Variants in RARB observed in about 807,000 individuals in gnomAD.
RARB encodes the protein HBV-activated protein.
RARB carries 17 observed loss-of-function variants against 51.9 expected under a neutral mutation model. That is an observed-to-expected ratio of 0.33 (90% confidence interval 0.22 to 0.49). The LOEUF (loss-of-function observed/expected upper bound fraction) is 0.49. RARB is among the 20% of genes least tolerant of loss of function. The pLI is 0.99. For missense variants in RARB, 369 were observed against 550.8 expected, an observed-to-expected ratio of 0.67 and a Z score of 3.30; for synonymous variants, 215 against 195.4, an observed-to-expected ratio of 1.10 and a Z score of -0.84.
chr3:25,073,831 C>CT (rs199824769), intron 3 of RARB, among the ~76,000 whole-genome samples: 3,817 of 146,436 alleles, frequency 0.026, 51 homozygotes, highest in Non-Finnish European at 0.037. Flanking sequence ...ACAATAGTGA[C>CT]TTTTTTTTTT....
chr3:24,997,991 A>G (rs1160349802), intron 2 of RARB, among the ~76,000 whole-genome samples: 2 of 152,108 alleles, frequency 1.3e-5, no homozygotes, highest in Non-Finnish European at 2.9e-5. Flanking sequence ...TTCTTTCTGT[A>G]TCATTTTTAA....
intron 5 of RARB, among the ~76,000 whole-genome samples, chr3:25,403,397 C>T (rs1421618784): frequency 2.6e-5 from 4 of 152,008 alleles, no homozygotes; most frequent in Non-Finnish European, 5.9e-5. Flanking sequence ...TTACTGTGTA[C>T]CCACAAAAAT....
chr3:25,344,571 A>G (rs1389698230), intron 5 of RARB, among the ~76,000 whole-genome samples: 4 of 152,224 alleles, frequency 2.6e-5, no homozygotes, highest in Non-Finnish European at 4.4e-5. Context: ...TAAAGCACAA[A>G]AAGACAAACA....
chr3:25,002,734 A>G (rs1697188879), intron 2 of RARB, among the ~76,000 whole-genome samples: 3 of 120,318 alleles, frequency 2.5e-5, no homozygotes, highest in African/African-American at 3.3e-5. Context: ...ACATATGTAT[A>G]TAAAAGACAT....
At chr3:24,830,069 G>T (rs1165825164) in intron 1 of RARB, among the ~76,000 whole-genome samples, 1 of 152,142 alleles carries the variant, frequency 6.6e-6, no homozygotes, top group African/African-American at 2.4e-5. Context: ...AGTACTAGGG[G>T]CTTGGCGCCG....
chr3:25,185,784 A>T (rs1395099742), intron 5 of RARB, among the ~76,000 whole-genome samples: 1 of 152,152 alleles, frequency 6.6e-6, no homozygotes, highest in Non-Finnish European at 1.5e-5. Context: ...TTTTTCTTCT[A>T]TAAGAAATCT....
intron 5 of RARB, among the ~76,000 whole-genome samples, chr3:25,215,645 G>C (rs76128895): frequency 1.3e-5 from 2 of 152,112 alleles, no homozygotes; most frequent in South Asian, 4.2e-4. Context: ...GTATTAAGGG[G>C]ATCCTTTCTC....
intron 1 of RARB, among the ~76,000 whole-genome samples, chr3:24,842,078 T>G (rs2125330840): frequency 6.6e-6 from 1 of 152,278 alleles, no homozygotes; most frequent in Non-Finnish European, 1.5e-5. Flanking sequence ...TTCGATTTTC[T>G]ATTGAGCAAC....
chr3:25,127,683 C>A (rs577384854), intron 3 of RARB, among the ~76,000 whole-genome samples: 1 of 151,618 alleles, frequency 6.6e-6, no homozygotes, highest in South Asian at 2.1e-4. Flanking sequence ...AACGAAGGAG[C>A]GAAGGAGGGA....
intron 5 of RARB, among the ~76,000 whole-genome samples, chr3:25,267,951 A>C (rs2125409842): frequency 6.6e-6 from 1 of 152,302 alleles, no homozygotes; most frequent in South Asian, 2.1e-4. Context: ...CTATATTCTT[A>C]ATTTGGATAA....
At chr3:24,974,820 G>C (rs575994499) in intron 2 of RARB, among the ~76,000 whole-genome samples, 4 of 152,268 alleles carry the variant, frequency 2.6e-5, no homozygotes, top group African/African-American at 9.6e-5. Context: ...TAAAGAAGAT[G>C]AAAGCTTTGG....
chr3:24,839,773 T>C (rs1426076237), intron 1 of RARB, among the ~76,000 whole-genome samples: 1 of 150,832 alleles, frequency 6.6e-6, no homozygotes, highest in Non-Finnish European at 1.5e-5. Flanking sequence ...CAAATCCAGA[T>C]TGTCACAAAA....
At chr3:25,404,363 A>G (rs1707348207) in intron 5 of RARB, among the ~76,000 whole-genome samples, 1 of 152,202 alleles carries the variant, frequency 6.6e-6, no homozygotes, top group African/African-American at 2.4e-5. Context: ...ACTCCTTGGT[A>G]GAAAGTTGAC....
chr3:25,257,225 G>A (rs1377688725), intron 5 of RARB, among the ~76,000 whole-genome samples: 1 of 152,096 alleles, frequency 6.6e-6, no homozygotes, highest in Non-Finnish European at 1.5e-5. Flanking sequence ...CAAAGATTGT[G>A]CTGATGAACC....
chr3:25,286,522 T>TACA (rs1201308926), intron 5 of RARB, among the ~76,000 whole-genome samples: 1 of 152,224 alleles, frequency 6.6e-6, no homozygotes, highest in Admixed American at 6.5e-5. Flanking sequence ...GTGTGTCCTA[T>TACA]ACAACATTGT....
intron 5 of RARB, among the ~76,000 whole-genome samples, chr3:25,246,635 G>A (rs747204031): frequency 6.6e-6 from 1 of 152,124 alleles, no homozygotes; most frequent in African/African-American, 2.4e-5. Context: ...GTTTGCCTGG[G>A]TATCACCAGT....
At chr3:24,867,604 G>C (rs950189043) in intron 2 of RARB, among the ~76,000 whole-genome samples, 2 of 152,118 alleles carry the variant, frequency 1.3e-5, no homozygotes, top group Admixed American at 6.6e-5. Flanking sequence ...CTGTAGGGGA[G>C]GGAGCCTTTG....
intron 1 of RARB, among the ~76,000 whole-genome samples, chr3:25,449,262 G>A (rs566892186): frequency 6.6e-6 from 1 of 152,122 alleles, no homozygotes; most frequent in East Asian, 1.9e-4. Context: ...CCCTGCTGAG[G>A]GCTGGGTTCT....
intron 1 of RARB, among the ~76,000 whole-genome samples, chr3:25,446,139 C>T (rs1190237418): frequency 6.6e-6 from 1 of 152,174 alleles, no homozygotes; most frequent in Non-Finnish European, 1.5e-5. Flanking sequence ...ATGTGTAGCC[C>T]TTACAACACA....
Sources: allele counts gnomAD v4.1 joint callset (sites outside exome capture counted in the v4.1 genomes callset), GRCh38; gene constraint gnomAD v4.1.1; transcripts MANE v1.5; gene names NCBI Gene and HGNC (gene_info 2026-07-23, HGNC 2026-07-21).